Variants in AHCYL2 observed in about 807,000 individuals in gnomAD.
The protein encoded by AHCYL2 is adenosylhomocysteinase like 2, also known as S-adenosylhomocysteine hydrolase-like protein 2.
A neutral mutation model predicts 81.4 loss-of-function variants in AHCYL2; 28 were observed. The ratio of observed to expected loss-of-function variants is 0.34; its 90% CI spans 0.25 to 0.47. The LOEUF (loss-of-function observed/expected upper bound fraction) is 0.47, where lower values mean the gene tolerates loss of function less well. AHCYL2 is among the 20% of genes least tolerant of loss of function. The pLI, the probability that AHCYL2 is intolerant of heterozygous loss-of-function variation, is 1.00. For missense variants in AHCYL2, 551 were observed against 785.1 expected, an observed-to-expected ratio of 0.70 and a Z score of 3.56; for synonymous variants, 272 against 290.2, an observed-to-expected ratio of 0.94 and a Z score of 0.64.
At chr7:129,374,025 G>A (rs948669322) in intron 1 of AHCYL2, among the ~76,000 whole-genome samples, 50 of 152,164 alleles carry the variant, frequency 3.3e-4, no homozygotes, top group Admixed American at 2.6e-4. Flanking sequence ...ATAATTAGGT[G>A]TTTTAGAATT....
At chr7:129,370,612 A>G (rs151007285) in intron 1 of AHCYL2, among the ~76,000 whole-genome samples, 2,366 of 152,214 alleles carry the variant, frequency 0.016, 38 homozygotes, top group African/African-American at 0.048. Flanking sequence ...GCAGGAGAAT[A>G]GCATGAACCC....
At chr7:129,344,036 A>C (rs1793276254) in intron 1 of AHCYL2, among the ~76,000 whole-genome samples, 1 of 152,144 alleles carries the variant, frequency 6.6e-6, no homozygotes, top group Admixed American at 6.5e-5. Flanking sequence ...CATATAAGAT[A>C]CTCAACACCA....
intron 1 of AHCYL2, among the ~76,000 whole-genome samples, chr7:129,362,597 GTTTTTTT>G (rs769346623): frequency 7.9e-5 from 5 of 63,646 alleles, no homozygotes; most frequent in African/African-American, 2.7e-4. Context: ...TGGTTTTCTT[GTTTTTTT>G]TTTTTTTTTT....
chr7:129,270,976 T>C (rs1190101229), intron 1 of AHCYL2, among the ~76,000 whole-genome samples: 1 of 152,150 alleles, frequency 6.6e-6, no homozygotes, highest in Non-Finnish European at 1.5e-5. Context: ...GCAACAGTCC[T>C]ACGGCATCAG....
intron 1 of AHCYL2, among the ~76,000 whole-genome samples, chr7:129,228,880 C>T (rs868232335): frequency 2.0e-5 from 3 of 152,246 alleles, no homozygotes; most frequent in Middle Eastern, 6.8e-3. Context: ...ACTTCTTGTC[C>T]TGAATTGTTT....
chr7:129,333,422 T>C (rs1798490670), intron 1 of AHCYL2, among the ~76,000 whole-genome samples: 1 of 152,186 alleles, frequency 6.6e-6, no homozygotes, highest in African/African-American at 2.4e-5. Context: ...GTCAAGTATT[T>C]ACACTCACAA....
intron 1 of AHCYL2, among the ~76,000 whole-genome samples, chr7:129,376,831 G>T (rs1229549958): frequency 6.6e-6 from 1 of 152,130 alleles, no homozygotes; most frequent in Non-Finnish European, 1.5e-5. Flanking sequence ...TTTCCTGGAT[G>T]GGCTTCTAAA....
chr7:129,329,787 T>A (rs1401115968), intron 1 of AHCYL2, among the ~76,000 whole-genome samples: 1 of 152,232 alleles, frequency 6.6e-6, no homozygotes, highest in Non-Finnish European at 1.5e-5. Flanking sequence ...ATAAATTTCT[T>A]TATCCACTTT....
intron 1 of AHCYL2, among the ~76,000 whole-genome samples, chr7:129,362,638 A>C (rs1383677592): frequency 7.5e-6 from 1 of 133,266 alleles, no homozygotes; most frequent in African/African-American, 2.8e-5. Context: ...GTCTCAGAGA[A>C]TCTAGATGGA....
intron 1 of AHCYL2, among the ~76,000 whole-genome samples, chr7:129,228,899 G>A (rs1794319948): frequency 6.6e-6 from 1 of 152,190 alleles, no homozygotes; most frequent in South Asian, 2.1e-4. Context: ...TTAAGCTCTT[G>A]ATTTGGTTAA....
At chr7:129,238,268 A>G (rs1036843524) in intron 1 of AHCYL2, among the ~76,000 whole-genome samples, 1 of 152,194 alleles carries the variant, frequency 6.6e-6, no homozygotes, top group African/African-American at 2.4e-5. Context: ...TAGAAATGGA[A>G]TAGGAATTGT....
chr7:129,336,114 G>A (rs1798596636), intron 1 of AHCYL2, among the ~76,000 whole-genome samples: 1 of 140,658 alleles, frequency 7.1e-6, no homozygotes, highest in Non-Finnish European at 1.5e-5. Context: ...TGTCACCCAG[G>A]CTGGAGTGCA....
intron 1 of AHCYL2, among the ~76,000 whole-genome samples, chr7:129,264,312 G>T (rs1265363906): frequency 6.6e-6 from 1 of 152,198 alleles, no homozygotes; most frequent in African/African-American, 2.4e-5. Flanking sequence ...GAGCCACTGC[G>T]CCCGGCCAGT....
intron 12 of AHCYL2, among the ~76,000 whole-genome samples, chr7:129,414,051 G>A (rs1011605215): frequency 2.6e-5 from 4 of 152,116 alleles, no homozygotes; most frequent in Non-Finnish European, 5.9e-5. Context: ...GTATTTTGGG[G>A]GTGTTTGGTT....
intron 1 of AHCYL2, among the ~76,000 whole-genome samples, chr7:129,315,169 C>T (rs1020244822): frequency 1.3e-5 from 2 of 151,832 alleles, no homozygotes; most frequent in Non-Finnish European, 1.5e-5. Flanking sequence ...GCTTTTGTCC[C>T]TCCTCCCTCT....
At chr7:129,397,365 ATT>A in intron 5 of AHCYL2, 41 bp downstream of exon 5, 1 of 1,540,078 alleles carries the variant, frequency 6.5e-7, no homozygotes, top group Non-Finnish European at 8.9e-7. Context: ...AAGTAAGTCT[ATT>A]TGGAGACTTA....
rs1257424260 is a variant in AHCYL2, at chr7:129,386,601, G to A, written c.476-2455G>A. Among the ~76,000 whole-genome samples, 6 of 152,316 alleles carry A rather than the reference G, an allele frequency of 3.9e-5. No individual in the cohort carries two copies. In the East Asian group the frequency reaches 9.6e-4, roughly 24 times the overall value. ...CCAGGTTTTAGAATAGAGAAGTGGT[G>A]TAAAGATTTTTTTCTTTGAGTTGGT... On this transcript the variant is annotated intron_variant, in intron 2 of 16. Coordinates refer to ENST00000325006, the MANE Select transcript of AHCYL2 (RefSeq NM_015328.4).
At chr7:129,412,544 G>C (rs1251310290) in intron 11 of AHCYL2, among the ~76,000 whole-genome samples, 1 of 151,746 alleles carries the variant, frequency 6.6e-6, no homozygotes, top group East Asian at 2.0e-4. Flanking sequence ...GCCTCCCGAA[G>C]TGTTAGGATT....
At chr7:129,350,477 G>A (rs1268992800) in intron 1 of AHCYL2, among the ~76,000 whole-genome samples, 3 of 150,188 alleles carry the variant, frequency 2.0e-5, no homozygotes, top group African/African-American at 4.9e-5. Context: ...TCTGCCTCCC[G>A]GGTTCAAGGG....
Sources: gnomAD v4.1 joint callset for allele counts (sites outside exome capture counted in the v4.1 genomes callset) on GRCh38, gnomAD v4.1.1 for gene constraint, MANE v1.5 for transcripts, NCBI Gene and HGNC (gene_info 2026-07-23, HGNC 2026-07-21) for gene names.